Variants in IARS1 observed in about 807,000 individuals in gnomAD.
IARS1 encodes isoleucyl-tRNA synthetase 1.
In IARS1, 124 loss-of-function variants were observed where a neutral mutation model predicts 168.2. The observed-to-expected ratio is 0.74, with a 90% CI of 0.64 to 0.86. The LOEUF is 0.86. Ranked by LOEUF, IARS1 falls within the 40% of genes least tolerant of loss-of-function variation. IARS1 has a pLI of 0.00. For synonymous variants in IARS1, 532 were observed against 529.4 expected (o/e 1.00, Z -0.07); for missense variants, 1,452 against 1,515.8 (o/e 0.96, Z 0.70).
In IARS1 at chr9:92,250,739, A is replaced by C; in HGVS notation, c.2403T>G (p.Ile801Met). 6.2e-7 allele frequency: 1 copy of C among 1,612,734 alleles called. No homozygotes were observed. Among genetic ancestry groups the C allele is most frequent in the Non-Finnish European group, 8.5e-7 (1 of 1,179,482 alleles). Residue 801 changes from isoleucine to methionine, a missense_variant, in exon 23 of 34, where the codon ATT becomes ATG. By Grantham distance (10) the Ile-to-Met change is conservative. Coordinates refer to ENST00000443024, the MANE Select transcript of IARS1 (RefSeq NM_002161.6). ...VSVQDKDTLS[I>M]HYLMLPRVRE... ...GAACACGGGGCAGCATGAGGTAGTG[A>C]ATGCTGAGTGTGTCCTTGTCCTGAA...
Position 92,217,758 on chromosome 9 carries a change from A to G in IARS1, c.3706+4762T>C, listed in dbSNP as rs1183336066. ...GAATCTCTGAATAGACCAATAACAG[A>G]CTCTGAAATTGTGGCAATAATCAAT... is the stretch of plus-strand genomic sequence containing the variant. On this transcript the variant is annotated intron_variant, in intron 33 of 33. Transcript: ENST00000443024. 2.9e-3 allele frequency among the ~76,000 whole-genome samples: 444 copies of G among 152,082 alleles called. 3 individuals are homozygous for G. The highest frequency in any genetic ancestry group is 0.01 in the African/African-American group (423 of 41,444).
chr9:92,214,774 C>T (rs143902700), intron 33 of IARS1, among the ~76,000 whole-genome samples: 59 of 152,348 alleles, frequency 3.9e-4, no homozygotes, highest in African/African-American at 1.4e-3. Flanking sequence ...GGGTCCTACG[C>T]CCACGGAGTC....
At chr9:92,238,913 G>A (rs144790579) in intron 30 of IARS1, among the ~76,000 whole-genome samples, 1 of 152,228 alleles carries the variant, frequency 6.6e-6, no homozygotes, top group Non-Finnish European at 1.5e-5. Flanking sequence ...GTGACTTCAA[G>A]CAGAATGATG....
rs1341921557 is a variant in IARS1 at position 92,288,123 on chromosome 9, T to C, written c.276+3A>G. On this transcript the variant is annotated splice_donor_region_variant and intron_variant, in intron 3 of 33. Coordinates refer to ENST00000443024, the MANE Select transcript of IARS1 (RefSeq NM_002161.6). ...AATTATAAAGCTGGATACTCAAACA[T>C]ACCACAGGTAAGCCATGGCAATCCC... 1.2e-6 allele frequency: 2 copies of C among 1,612,216 alleles called. No individual in the cohort carries two copies. The highest frequency in any genetic ancestry group is 8.5e-7 in the Non-Finnish European group (1 of 1,179,382).
At position 92,240,739 on chromosome 9, in the gene IARS1, A is replaced by G. The variant is rs770287616; in HGVS notation, c.3283+117T>C. 4 of 725,758 alleles carry G rather than the reference A, an allele frequency of 5.5e-6. No homozygotes were observed. In the African/African-American group the frequency reaches 7.0e-5, roughly 13 times the overall value. 45.0% of individuals were successfully genotyped at this position (725,758 alleles called of 1,614,324 possible). On this transcript the variant is annotated intron_variant, in intron 30 of 33. Coordinates refer to ENST00000443024, the MANE Select transcript of IARS1 (RefSeq NM_002161.6). ...AAGAAGAAAAAGTTATCTATTAAAC[A>G]TGATTAAATAATTATTCCAATTCTC...
At chr9:92,269,816 G>T in intron 13 of IARS1, 69 bp downstream of exon 13, 1 of 984,782 alleles carries the variant, frequency 1.0e-6, no homozygotes. Context: ...ATAACTTGGG[G>T]GAAGTGTAAA....
intron 31 of IARS1, among the ~76,000 whole-genome samples, 192 bp from the exon 32 acceptor site, chr9:92,223,681 T>C (rs1487288368): frequency 6.6e-6 from 1 of 152,220 alleles, no homozygotes; most frequent in African/African-American, 2.4e-5. Flanking sequence ...AATCTCAATG[T>C]TGCAAAACAA....
chr9:92,274,588 A>G, intron 9 of IARS1, 67 bp from the exon 10 acceptor site: 1 of 1,132,802 alleles, frequency 8.8e-7, no homozygotes, highest in Non-Finnish European at 1.3e-6. Context: ...ACTTTGTAAC[A>G]GTTTTTCCTA....
chr9:92,229,145 A>T lies in IARS1; in HGVS notation c.3284-19T>A, dbSNP rs1470615012. On this transcript the variant is annotated intron_variant, in intron 30 of 33. Coordinates refer to ENST00000443024, the MANE Select transcript of IARS1 (RefSeq NM_002161.6). The stretch of plus-strand genomic sequence containing the variant: ...ACTCCACCTAAAAAGCCACAAAAAT[A>T]ACACCTCAATCAGACAAATAAAACT... 2 of 1,609,682 alleles carry T rather than the reference A, an allele frequency of 1.2e-6. No homozygotes were observed. The highest frequency in any genetic ancestry group is 4.5e-5 in the East Asian group (2 of 44,874).
chr9:92,221,217 A>C (rs1839623659), intron 33 of IARS1, among the ~76,000 whole-genome samples: 1 of 152,208 alleles, frequency 6.6e-6, no homozygotes, highest in Admixed American at 6.5e-5. Flanking sequence ...AATAAGAGGT[A>C]GGATAGAGTG....
chr9:92,244,754 T>C (rs72750434), intron 27 of IARS1, among the ~76,000 whole-genome samples: 4,655 of 152,302 alleles, frequency 0.031, 111 homozygotes, highest in South Asian at 0.079. Context: ...AATCACAAAA[T>C]GCTTACTTAT....
chr9:92,285,825 T>C lies in IARS1; in HGVS notation c.494A>G (p.Gln165Arg). The change falls in exon 6 of 34, where the codon CAA (glutamine) becomes CGA (arginine). Residue 165 changes from glutamine (Q) to arginine (R), a missense_variant. Physicochemically the swap from Gln to Arg is conservative, Grantham distance 43. Coordinates refer to ENST00000443024, the MANE Select transcript of IARS1 (RefSeq NM_002161.6). ...FMESVWWVFK[Q>R]LYDKGLVYRG... Reference sequence around the variant, plus strand: ...ATAAACAAGGCCTTTATCATAGAGTTGTTTGAAGACCCACCTGGTAAGAGA... The same window carrying C: ...ATAAACAAGGCCTTTATCATAGAGTCGTTTGAAGACCCACCTGGTAAGAGA... 1 of 1,602,500 alleles carries C rather than the reference T, an allele frequency of 6.2e-7. No homozygotes were observed. The highest frequency in any genetic ancestry group is 8.5e-7 in the Non-Finnish European group (1 of 1,170,224).
Position 92,288,131 on chromosome 9 carries a change from G to A in IARS1, c.271C>T (p.Pro91Ser). The part of the protein sequence containing the change: ...RRFGWDCHGL[P>S]VEYEIDKTLG... ...AGCTGGATACTCAAACATACCACAG[G>A]TAAGCCATGGCAATCCCATCCAAAT... is the stretch of plus-strand genomic sequence containing the variant. Residue 91 changes from proline to serine, a missense_variant, in exon 3 of 34, where the codon CCT becomes TCT. Coordinates refer to ENST00000443024, the MANE Select transcript of IARS1 (RefSeq NM_002161.6). 1 of 1,613,258 alleles carries A rather than the reference G, an allele frequency of 6.2e-7. No individual in the cohort carries two copies.
At chr9:92,270,752 C>T (rs375361504) in intron 12 of IARS1, among the ~76,000 whole-genome samples, 46 of 152,092 alleles carry the variant, frequency 3.0e-4, no homozygotes, top group Non-Finnish European at 5.6e-4. Context: ...GCTGTGATTG[C>T]ACCACTGCAT....
intron 7 of IARS1, 81 bp downstream of exon 7, chr9:92,280,665 A>G (rs1377503754): frequency 1.2e-6 from 1 of 846,428 alleles, no homozygotes; most frequent in East Asian, 2.8e-5. Context: ...TTCATGCAAA[A>G]AGAAAGGTAA....
intron 21 of IARS1, 34 bp from the exon 22 acceptor site, chr9:92,251,919 T>A: frequency 7.1e-7 from 1 of 1,413,498 alleles, no homozygotes; most frequent in South Asian, 1.2e-5. Context: ...AACATTAAAC[T>A]GTTAAATAAG....
chr9:92,221,020 G>A (rs946159024), intron 33 of IARS1, among the ~76,000 whole-genome samples: 2 of 152,040 alleles, frequency 1.3e-5, no homozygotes, highest in Non-Finnish European at 2.9e-5. Context: ...AATAAACACT[G>A]CCTTATACCA....
intron 5 of IARS1, 112 bp downstream of exon 5, chr9:92,286,424 A>C (rs908553164): frequency 1.6e-6 from 1 of 618,964 alleles, no homozygotes; most frequent in African/African-American, 1.9e-5. Context: ...AAAGATTTTC[A>C]GAGAAATAAC....
intron 9 of IARS1, among the ~76,000 whole-genome samples, chr9:92,275,582 C>T (rs1833669846): frequency 6.6e-6 from 1 of 152,154 alleles, no homozygotes; most frequent in African/African-American, 2.4e-5. Context: ...TACATGGGTC[C>T]TTAGAATTAC....
Sources: allele counts gnomAD v4.1 joint callset (sites outside exome capture counted in the v4.1 genomes callset), GRCh38; gene constraint gnomAD v4.1.1; transcripts MANE v1.5; gene names NCBI Gene and HGNC (gene_info 2026-07-23, HGNC 2026-07-21).